Variants in PTPRR observed in about 807,000 individuals in gnomAD.
PTPRR encodes protein tyrosine phosphatase receptor type R.
Under a neutral mutation model 77.2 loss-of-function variants are expected in PTPRR, and 38 were observed. The observed-to-expected ratio is 0.49, with a 90% CI of 0.38 to 0.65. PTPRR has a LOEUF of 0.65. Among genes scored for constraint, PTPRR ranks in the 30% least tolerant of loss-of-function variants. The pLI is 0.00. For missense variants in PTPRR, 744 were observed against 799.2 expected (o/e 0.93, Z 0.83); for synonymous variants, 299 against 283.1 (o/e 1.06, Z -0.57).
intron 13 of PTPRR, among the ~76,000 whole-genome samples, chr12:70,640,242 A>G (rs557672212): frequency 6.6e-6 from 1 of 152,310 alleles, no homozygotes; most frequent in South Asian, 2.1e-4. Context: ...GCATGATCAC[A>G]GCTCAGTGCA....
chr12:70,838,492 C>A (rs1189645333), intron 2 of PTPRR, among the ~76,000 whole-genome samples: 1 of 152,124 alleles, frequency 6.6e-6, no homozygotes, highest in Non-Finnish European at 1.5e-5. Context: ...TGATTTGCAT[C>A]ACAGGTCATT....
chr12:70,846,876 C>T (rs975901299), intron 2 of PTPRR, among the ~76,000 whole-genome samples: 7 of 152,056 alleles, frequency 4.6e-5, no homozygotes, highest in Admixed American at 2.6e-4. Context: ...TCTGTCTTTC[C>T]TCAATCTATC....
intron 1 of PTPRR, 116 bp from the exon 2 acceptor site, chr12:70,893,093 T>C (rs1893367435): frequency 8.9e-7 from 1 of 1,118,556 alleles, no homozygotes; most frequent in Non-Finnish European, 1.3e-6. Flanking sequence ...GTGAAGGATT[T>C]AGGTTAGTCT....
chr12:70,745,512 T>C (rs1265068504), intron 6 of PTPRR, among the ~76,000 whole-genome samples: 1 of 152,226 alleles, frequency 6.6e-6, no homozygotes, highest in African/African-American at 2.4e-5. Context: ...TTAAACAAGA[T>C]AGCATCTTGT....
At position 70,880,301 on chromosome 12, in the gene PTPRR, G is replaced by C. The variant is rs139221926; in HGVS notation, c.357+12378C>G. Among the ~76,000 whole-genome samples the C allele has an allele frequency of 2.1e-4, 32 of 152,158 alleles. 2 individuals carry two copies. The East Asian group carries it at 6.2e-3, about 29-fold the overall frequency. ...AACTGAAATACAAGATGCTAACTTA[G>C]TCATTGAAGGAAACACAATTAATTA... is the stretch of plus-strand genomic sequence containing the variant. On this transcript the variant is annotated intron_variant, in intron 2 of 13. Coordinates refer to ENST00000283228, the MANE Select transcript of PTPRR (RefSeq NM_002849.4).
At chr12:70,770,688 A>G (rs542170897) in intron 2 of PTPRR, among the ~76,000 whole-genome samples, 2 of 152,342 alleles carry the variant, frequency 1.3e-5, no homozygotes, top group East Asian at 1.9e-4. Flanking sequence ...TCATGCTGCT[A>G]TAAAGACACA....
chr12:70,874,148 A>T (rs958767109), intron 2 of PTPRR, among the ~76,000 whole-genome samples: 1 of 152,194 alleles, frequency 6.6e-6, no homozygotes, highest in Non-Finnish European at 1.5e-5. Context: ...TTAAAATATC[A>T]AGCTAAAATC....
intron 8 of PTPRR, among the ~76,000 whole-genome samples, chr12:70,687,315 T>TG (rs370540764): frequency 0.022 from 3,155 of 141,014 alleles, 123 homozygotes; most frequent in African/African-American, 0.077. Context: ...ATAAAGATAT[T>TG]TTATATATAT....
At chr12:70,904,056 A>AC (rs1365551279) in intron 1 of PTPRR, among the ~76,000 whole-genome samples, 4 of 151,912 alleles carry the variant, frequency 2.6e-5, no homozygotes, top group Non-Finnish European at 5.9e-5. Context: ...AATGAAATGT[A>AC]CTAATAATAC....
intron 7 of PTPRR, among the ~76,000 whole-genome samples, chr12:70,699,920 C>A (rs1888359868): frequency 6.6e-6 from 1 of 152,138 alleles, no homozygotes; most frequent in Non-Finnish European, 1.5e-5. Flanking sequence ...CTCCTGTGTA[C>A]TCCTTCTGGC....
chr12:70,776,198 G>A (rs753909793), intron 2 of PTPRR, among the ~76,000 whole-genome samples: 23 of 151,886 alleles, frequency 1.5e-4, no homozygotes, highest in East Asian at 3.9e-4. Context: ...GTATCATCCC[G>A]ACTCTTCTTT....
chr12:70,829,282 AATGCTGTC>A (rs1892170540), intron 2 of PTPRR, among the ~76,000 whole-genome samples: 1 of 150,612 alleles, frequency 6.6e-6, no homozygotes, highest in South Asian at 2.1e-4. Flanking sequence ...ATAAATAAAT[AATGCTGTC>A]CAGTAAGATT....
At chr12:70,893,164 G>T (rs953892816) in intron 1 of PTPRR, among the ~76,000 whole-genome samples, 187 bp from the exon 2 acceptor site, 1 of 151,776 alleles carries the variant, frequency 6.6e-6, no homozygotes, top group African/African-American at 2.4e-5. Flanking sequence ...TGGTATGAAG[G>T]CCTCTCAAAG....
intron 13 of PTPRR, among the ~76,000 whole-genome samples, chr12:70,649,557 T>C (rs981689725): frequency 1.3e-5 from 2 of 152,158 alleles, no homozygotes; most frequent in Admixed American, 1.3e-4. Context: ...CTGCTTTTAA[T>C]TAGTTGGTTC....
At chr12:70,707,172 T>A (rs1260918664) in intron 6 of PTPRR, among the ~76,000 whole-genome samples, 1 of 152,134 alleles carries the variant, frequency 6.6e-6, no homozygotes, top group Non-Finnish European at 1.5e-5. Context: ...CATTTATACC[T>A]AATGTCTTTA....
intron 6 of PTPRR, among the ~76,000 whole-genome samples, chr12:70,740,651 T>C (rs1890018016): frequency 6.6e-6 from 1 of 152,188 alleles, no homozygotes; most frequent in South Asian, 2.1e-4. Context: ...TATCTTTTAA[T>C]TTTAAAATTA....
intron 2 of PTPRR, among the ~76,000 whole-genome samples, chr12:70,822,771 T>C (rs1010709790): frequency 3.9e-5 from 6 of 152,200 alleles, no homozygotes; most frequent in Non-Finnish European, 8.8e-5. Context: ...TTTTAGCCTG[T>C]AGAAAGTTGC....
rs955971285 is a variant in PTPRR at position 70,893,091 on chromosome 12, T to C, written c.59-114A>G. The C allele has an allele frequency of 9.6e-6, 11 of 1,144,374 alleles. No individual in the cohort carries two copies. In the African/African-American group the frequency reaches 1.6e-4, roughly 16 times the overall value. 70.9% of individuals were successfully genotyped at this position (1,144,374 alleles called of 1,614,324 possible). A position where few individuals can be genotyped will look rare whatever the true frequency, so the allele number is the denominator to read the frequency against. On this transcript the variant is annotated intron_variant, in intron 1 of 13. Transcript: ENST00000283228. ...GAGAGGCTTTAAGACTTGTGAAGGA[T>C]TTAGGTTAGTCTCCATATTTCTTTG... is the stretch of plus-strand genomic sequence containing the variant.
chr12:70,666,762 G>A (rs1404594363), intron 10 of PTPRR, among the ~76,000 whole-genome samples: 1 of 151,802 alleles, frequency 6.6e-6, no homozygotes, highest in African/African-American at 2.4e-5. Flanking sequence ...TATAAACAAT[G>A]TGATTGACAT....
Sources: gnomAD v4.1 joint callset for allele counts (sites outside exome capture counted in the v4.1 genomes callset) on GRCh38, gnomAD v4.1.1 for gene constraint, MANE v1.5 for transcripts, NCBI Gene and HGNC (gene_info 2026-07-23, HGNC 2026-07-21) for gene names.